The following LDLRAD4 variants were observed in gnomAD, a reference collection of about 807,000 sequenced individuals.
The protein encoded by LDLRAD4 is low density lipoprotein receptor class A domain containing 4, also known as low-density lipoprotein receptor class A domain-containing protein 4.
LDLRAD4 carries 5 observed loss-of-function variants against 17.0 expected under a neutral mutation model. The ratio of observed to expected loss-of-function variants is 0.29; its 90% CI spans 0.15 to 0.62. The LOEUF (loss-of-function observed/expected upper bound fraction) is 0.62. Ranked by LOEUF, LDLRAD4 falls within the 20% of genes least tolerant of loss-of-function variation. LDLRAD4 has a pLI of 0.84. For missense variants in LDLRAD4, 340 were observed against 424.7 expected (o/e 0.80, Z 1.75); for synonymous variants, 168 against 171.8 (o/e 0.98, Z 0.17).
At chr18:13,362,105 A>G (rs978072268) in intron 1 of LDLRAD4, 1 of 152,114 alleles carries the variant, frequency 6.6e-6, no homozygotes, top group African/African-American at 2.4e-5. Flanking sequence ...ACACAAGCAG[A>G]GGCGTGAGCG....
chr18:13,404,533 C>T (rs761823400), intron 2 of LDLRAD4, among the ~76,000 whole-genome samples: 1 of 152,138 alleles, frequency 6.6e-6, no homozygotes, highest in Non-Finnish European at 1.5e-5. Flanking sequence ...CATGGTGGCT[C>T]ATGCTTGTAA....
chr18:13,457,507 A>G (rs2092206413), intron 3 of LDLRAD4, among the ~76,000 whole-genome samples: 1 of 152,202 alleles, frequency 6.6e-6, no homozygotes. Flanking sequence ...CGTATGAGCA[A>G]CAGGAAAGGC....
At chr18:13,249,205 A>G (rs2043114349) in intron 1 of LDLRAD4, among the ~76,000 whole-genome samples, 1 of 152,244 alleles carries the variant, frequency 6.6e-6, no homozygotes, top group Non-Finnish European at 1.5e-5. Flanking sequence ...GTGCTGCAGT[A>G]AATGTGGAGG....
intron 1 of LDLRAD4, among the ~76,000 whole-genome samples, chr18:13,351,109 A>G (rs546895886): frequency 2.6e-5 from 4 of 152,074 alleles, no homozygotes; most frequent in Admixed American, 2.0e-4. Context: ...TCTTGGCTAT[A>G]TAGGATCTTT....
intron 3 of LDLRAD4, among the ~76,000 whole-genome samples, chr18:13,555,135 C>T (rs1354970427): frequency 2.6e-5 from 4 of 152,192 alleles, no homozygotes; most frequent in Non-Finnish European, 4.4e-5. Flanking sequence ...GACACTGTCA[C>T]AGCCAAGAGG....
chr18:13,610,281 TTTTTTTTTTTTTTTTTTTTTTTTTG>T (rs1417957743), intron 3 of LDLRAD4, among the ~76,000 whole-genome samples: 2 of 46,486 alleles, frequency 4.3e-5, no homozygotes, highest in Non-Finnish European at 8.7e-5. Context: ...TTTTTTTTTT[TTTTTTTTTTTTTTTTTTTTTTTTTG>T]AGACGGAGTC....
At chr18:13,292,178 A>G (rs1173913853) in intron 1 of LDLRAD4, among the ~76,000 whole-genome samples, 1 of 152,170 alleles carries the variant, frequency 6.6e-6, no homozygotes, top group Non-Finnish European at 1.5e-5. Flanking sequence ...GCATGTCTGC[A>G]GGCCAGATTA....
At chr18:13,518,758 C>T (rs36078842) in intron 3 of LDLRAD4, among the ~76,000 whole-genome samples, 8,335 of 152,192 alleles carry the variant, frequency 0.055, 278 homozygotes, top group Non-Finnish European at 0.08. Flanking sequence ...TTACTGGCTT[C>T]GGTGTTTTTG....
At chr18:13,616,912 G>A (rs1390369982) in intron 3 of LDLRAD4, among the ~76,000 whole-genome samples, 1 of 152,054 alleles carries the variant, frequency 6.6e-6, no homozygotes, top group African/African-American at 2.4e-5. Context: ...TGCCACTAGG[G>A]TGCCCGTGAA....
At chr18:13,512,616 A>T (rs1448797897) in intron 3 of LDLRAD4, among the ~76,000 whole-genome samples, 1 of 152,210 alleles carries the variant, frequency 6.6e-6, no homozygotes, top group East Asian at 1.9e-4. Context: ...AATGGACTTG[A>T]TCAATTCTTC....
intron 3 of LDLRAD4, among the ~76,000 whole-genome samples, chr18:13,465,997 A>T (rs1158811127): frequency 6.6e-6 from 1 of 152,342 alleles, no homozygotes; most frequent in East Asian, 1.9e-4. Flanking sequence ...GAGGGCAGAG[A>T]TAACTGTTTA....
At chr18:13,230,239 C>A (rs1295165055) in intron 1 of LDLRAD4, among the ~76,000 whole-genome samples, 1 of 152,186 alleles carries the variant, frequency 6.6e-6, no homozygotes, top group Admixed American at 6.5e-5. Context: ...GACGTCCCAT[C>A]CACCAGAACT....
intron 3 of LDLRAD4, among the ~76,000 whole-genome samples, chr18:13,584,523 C>T (rs1478764268): frequency 6.6e-6 from 1 of 152,076 alleles, no homozygotes; most frequent in Non-Finnish European, 1.5e-5. Context: ...TTGTTCCCCT[C>T]GGTGACTAGC....
chr18:13,643,504 A>C (rs1245074122), intron 5 of LDLRAD4, 92 bp downstream of exon 6: 10 of 667,170 alleles, frequency 1.5e-5, no homozygotes, highest in Non-Finnish European at 2.0e-5. Flanking sequence ...GTGGAAGGGG[A>C]GGGGCCTCAC....
chr18:13,651,940 A>G (rs2043263193), exon 6 of LDLRAD4: 1 of 152,216 alleles, frequency 6.6e-6, no homozygotes. Context: ...TTAATGCTGA[A>G]TGGATTAAAA....
chr18:13,511,183 C>T (rs2093771911), intron 3 of LDLRAD4, among the ~76,000 whole-genome samples: 1 of 152,134 alleles, frequency 6.6e-6, no homozygotes, highest in East Asian at 1.9e-4. Context: ...CAGAAGGCCT[C>T]TGTCCACTGA....
chr18:13,554,157 A>G (rs1360015150), intron 3 of LDLRAD4, among the ~76,000 whole-genome samples: 2 of 152,238 alleles, frequency 1.3e-5, no homozygotes, highest in Non-Finnish European at 2.9e-5. Flanking sequence ...TATTGAGCCA[A>G]CAGATCAAGG....
At chr18:13,631,263 C>G (rs2041640590) in intron 4 of LDLRAD4, among the ~76,000 whole-genome samples, 1 of 152,052 alleles carries the variant, frequency 6.6e-6, no homozygotes, top group Non-Finnish European at 1.5e-5. Flanking sequence ...ATTGGATAAC[C>G]TAGATGAAAT....
At chr18:13,628,823 C>A (rs1351350822) in intron 4 of LDLRAD4, among the ~76,000 whole-genome samples, 5 of 152,158 alleles carry the variant, frequency 3.3e-5, no homozygotes, top group Non-Finnish European at 5.9e-5. Flanking sequence ...TTGGGAATTA[C>A]CTTCAGGTTT....
Sources: allele counts gnomAD v4.1 joint callset (sites outside exome capture counted in the v4.1 genomes callset), GRCh38; gene constraint gnomAD v4.1.1; transcripts MANE v1.5; gene names NCBI Gene and HGNC (gene_info 2026-07-23, HGNC 2026-07-21).